PLA2G4C: variants seen among roughly 807,000 people sequenced by gnomAD.
The protein encoded by PLA2G4C is cytosolic phospholipase A2 gamma.
Under a neutral mutation model 73.8 loss-of-function variants are expected in PLA2G4C, and 64 were observed. The ratio of observed to expected loss-of-function variants is 0.87; its 90% confidence interval spans 0.71 to 1.07. PLA2G4C has a LOEUF of 1.07. PLA2G4C is among the 50% of genes least tolerant of loss of function. PLA2G4C has a pLI of 0.00. For missense variants in PLA2G4C, 622 were observed against 665.4 expected, an observed-to-expected ratio of 0.93 and a Z score of 0.72; for synonymous variants, 254 against 252.1, an observed-to-expected ratio of 1.01 and a Z score of -0.07.
rs2032200950 is a variant in PLA2G4C at position 48,105,941 on chromosome 19, C to CTTT, written c.9-498_9-497insAAA. ...TCCCTCCCTCCCTCCCTCCCTCCCT[C>CTTT]CCTCCCTTCTTTCTTTCTTTCTTTC... On this transcript the variant is annotated intron_variant, in intron 2 of 16. Transcript: ENST00000599921. Among the ~76,000 whole-genome samples the CTTT allele has an allele frequency of 5.0e-4, 5 of 9,906 alleles. 1 individual carries two copies. Among genetic ancestry groups the CTTT allele is most frequent in the South Asian group, 5.0e-3 (1 of 200 alleles). 6.5% of individuals were successfully genotyped at this position (9,906 alleles called of 152,430 possible).
At chr19:48,049,480 T>C (rs2122404321) in intron 16 of PLA2G4C, among the ~76,000 whole-genome samples, 1 of 135,894 alleles carries the variant, frequency 7.4e-6, no homozygotes. Context: ...CTTCTTTGTT[T>C]ACCTGTTTAT....
intron 4 of PLA2G4C, among the ~76,000 whole-genome samples, chr19:48,100,221 A>C (rs1469490875): frequency 1.3e-5 from 2 of 152,146 alleles, no homozygotes. Flanking sequence ...TAATCCTAGA[A>C]AATCAATGAA....
Position 48,095,530 on chromosome 19 carries a change from C to T in PLA2G4C, c.643G>A (p.Gly215Arg), listed in dbSNP as rs748557112. The change falls in exon 7 of 17, where the codon GGA becomes AGA. Residue 215 changes from glycine (G) to arginine (R), a missense_variant. Transcript: ENST00000599921. ...LGAFVSITHF[G>R]SKFKKGRLVR... ...AGTCTTCCCTTCTTGAATTTGCTTC[C>T]GAAGTGGGTTATGGAAACAAAGGCC... The T allele has an allele frequency of 1.5e-5, 25 of 1,613,924 alleles. No individual in the cohort carries two copies. The highest frequency in any genetic ancestry group is 3.3e-5 in the Admixed American group (2 of 59,970).
intron 1 of PLA2G4C, among the ~76,000 whole-genome samples, chr19:48,106,870 G>T (rs2032261908): frequency 6.6e-6 from 1 of 152,070 alleles, no homozygotes; most frequent in African/African-American, 2.4e-5. Context: ...TTTAGATGAA[G>T]TTTCCCTCTT....
chr19:48,105,947 C>CTTCTTTCTTTCTTTCT lies in PLA2G4C; in HGVS notation c.9-519_9-504dup, dbSNP rs1216106059. On this transcript the variant is annotated intron_variant, in intron 2 of 16. Coordinates refer to ENST00000599921, the MANE Select transcript of PLA2G4C (RefSeq NM_003706.3). ...CCTCCCTCCCTCCCTCCCTCCCTCC[C>CTTCTTTCTTTCTTTCT]TTCTTTCTTTCTTTCTTTCTTTCTT... Among the ~76,000 whole-genome samples the CTTCTTTCTTTCTTTCT allele has an allele frequency of 8.7e-4, 8 of 9,162 alleles. 1 individual carries two copies. Among genetic ancestry groups the CTTCTTTCTTTCTTTCT allele is most frequent in the Admixed American group, 1.3e-3 (1 of 764 alleles). The allele number at this position is 9,162 out of a possible 152,430, so 6.0% of individuals were successfully genotyped here.
chr19:48,103,587 T>C (rs1455258176), intron 4 of PLA2G4C: 2 of 152,402 alleles, frequency 1.3e-5, no homozygotes, highest in African/African-American at 4.8e-5. Context: ...CAAGATCGAT[T>C]AGTCATGTCT....
chr19:48,110,322 G>A (rs1600279309), intron 1 of PLA2G4C, among the ~76,000 whole-genome samples, 165 bp downstream of exon 1: 1 of 151,184 alleles, frequency 6.6e-6, no homozygotes, highest in Admixed American at 6.6e-5. Context: ...CTCCAGCCTA[G>A]GCGACAGAGC....
intron 5 of PLA2G4C, 152 bp downstream of exon 5, chr19:48,099,519 T>C (rs2031785339): frequency 1.8e-6 from 1 of 564,430 alleles, no homozygotes; most frequent in South Asian, 2.4e-5. Context: ...TATACTTTAG[T>C]TTTGAGGCAT....
At chr19:48,080,055 C>A (rs7252190) in intron 10 of PLA2G4C, among the ~76,000 whole-genome samples, 1 of 151,996 alleles carries the variant, frequency 6.6e-6, no homozygotes, top group Non-Finnish European at 1.5e-5. Context: ...CCACTGAATG[C>A]GAGCAAATAT....
Position 48,072,015 on chromosome 19 carries a change from G to A in PLA2G4C, c.1006+2752C>T, listed in dbSNP as rs1367682403. On this transcript the variant is annotated intron_variant, in intron 12 of 16. Transcript: ENST00000599921. The surrounding 1 kb of genome is among the most constrained non-coding windows in gnomAD (Gnocchi z 4.4). ...ACAAAAATTAGCCGGGTGTGGTGGT[G>A]CATGCCTGTGGTCCCAGCTACTCGG... Among the ~76,000 whole-genome samples the A allele has an allele frequency of 6.6e-6, 1 of 151,616 alleles. No individual in the cohort carries two copies. The highest frequency in any genetic ancestry group is 1.5e-5 in the Non-Finnish European group (1 of 67,918).
intron 7 of PLA2G4C, among the ~76,000 whole-genome samples, chr19:48,091,959 T>C (rs749402994): frequency 3.4e-5 from 4 of 116,136 alleles, no homozygotes; most frequent in Non-Finnish European, 7.2e-5. Context: ...CAGAAAACAA[T>C]AAGTGTTGAT....
At chr19:48,082,016 G>A (rs990358797) in intron 10 of PLA2G4C, among the ~76,000 whole-genome samples, 32 of 151,978 alleles carry the variant, frequency 2.1e-4, no homozygotes, top group Admixed American at 5.2e-4. Flanking sequence ...AGGATACAGA[G>A]GTTGCAGTGA....
chr19:48,053,375 T>C (rs1967804237), intron 15 of PLA2G4C, among the ~76,000 whole-genome samples: 2 of 146,038 alleles, frequency 1.4e-5, no homozygotes, highest in African/African-American at 5.1e-5. Context: ...TTTTTTTTTT[T>C]TTTTTTTTTT....
intron 14 of PLA2G4C, among the ~76,000 whole-genome samples, chr19:48,058,377 A>G (rs1203906749): frequency 6.6e-6 from 1 of 151,948 alleles, no homozygotes; most frequent in East Asian, 1.9e-4. Flanking sequence ...ATCTCAAGTG[A>G]TCCTCCCACC....
rs747194764 is a variant in PLA2G4C, at chr19:48,067,745, T to C, written c.1102+46A>G. On this transcript the variant is annotated intron_variant, in intron 13 of 16. Coordinates refer to ENST00000599921, the MANE Select transcript of PLA2G4C (RefSeq NM_003706.3). ...ACCCCCTTCCCCTACTCCAGCCCATTCACACGCAAGGACAGACCAGGGCGG... is the reference window on the plus strand; with the variant it reads ...ACCCCCTTCCCCTACTCCAGCCCATCCACACGCAAGGACAGACCAGGGCGG... The C allele has an allele frequency of 3.1e-6, 4 of 1,277,910 alleles. No homozygotes were observed. In the South Asian group the frequency reaches 4.7e-5, roughly 15 times the overall value. 79.2% of individuals were successfully genotyped at this position (1,277,910 alleles called of 1,614,324 possible).
intron 14 of PLA2G4C, among the ~76,000 whole-genome samples, chr19:48,059,559 A>G: frequency 6.6e-6 from 1 of 152,092 alleles, no homozygotes; most frequent in Admixed American, 6.5e-5. Context: ...CAGTGTGACT[A>G]GAACAAAGCA....
chr19:48,094,740 A>C (rs1036762676), intron 7 of PLA2G4C, among the ~76,000 whole-genome samples: 1 of 152,186 alleles, frequency 6.6e-6, no homozygotes, highest in African/African-American at 2.4e-5. Flanking sequence ...AAGGACATTT[A>C]ATCAAGTTCT....
At chr19:48,100,682 T>G (rs1007332828) in intron 4 of PLA2G4C, among the ~76,000 whole-genome samples, 9 of 142,342 alleles carry the variant, frequency 6.3e-5, no homozygotes, top group African/African-American at 1.8e-4. Flanking sequence ...GGCCAAGGTG[T>G]GCGGATCACG....
At chr19:48,060,236 G>A (rs963047404) in intron 14 of PLA2G4C, among the ~76,000 whole-genome samples, 2 of 152,092 alleles carry the variant, frequency 1.3e-5, no homozygotes, top group African/African-American at 4.8e-5. Flanking sequence ...GCCCTGCCTA[G>A]TATGTCAATA....
Sources: allele counts gnomAD v4.1 joint callset (sites outside exome capture counted in the v4.1 genomes callset), GRCh38; gene constraint gnomAD v4.1.1; non-coding constraint Gnocchi (gnomAD v3.1); transcripts MANE v1.5; gene names NCBI Gene and HGNC (gene_info 2026-07-23, HGNC 2026-07-21).